The following CSMD1 variants were observed in gnomAD, a reference collection of about 807,000 sequenced individuals.
CSMD1 encodes the protein CUB and Sushi multiple domains 1.
Under a neutral mutation model 417.5 loss-of-function variants are expected in CSMD1, and 213 were observed. The observed-to-expected ratio is 0.51, with a 90% CI of 0.46 to 0.57. CSMD1 has a LOEUF of 0.57. Among genes scored for constraint, CSMD1 ranks in the 20% least tolerant of loss-of-function variants. The pLI is 0.00. For synonymous variants in CSMD1, 2,862 were observed against 1,736.8 expected, an observed-to-expected ratio of 1.65 and a Z score of -16.11; for missense variants, 6,923 against 4,529.7, an observed-to-expected ratio of 1.53 and a Z score of -15.17.
At chr8:4,689,970 C>T (rs752986091) in intron 1 of CSMD1, among the ~76,000 whole-genome samples, 8 of 151,932 alleles carry the variant, frequency 5.3e-5, no homozygotes, top group South Asian at 4.2e-4. Context: ...GTATTACTGC[C>T]GTAAGCGTAG....
chr8:4,971,820 T>C (rs1263864038), intron 1 of CSMD1, among the ~76,000 whole-genome samples: 1 of 152,086 alleles, frequency 6.6e-6, no homozygotes, highest in Non-Finnish European at 1.5e-5. Context: ...AATTTAAAGA[T>C]AAGTTGATTT....
At chr8:3,899,601 G>A (rs1186911960) in intron 5 of CSMD1, among the ~76,000 whole-genome samples, 1 of 152,198 alleles carries the variant, frequency 6.6e-6, no homozygotes, top group African/African-American at 2.4e-5. Context: ...GATCAATATA[G>A]CTCCAACATA....
chr8:3,188,096 A>ATG (rs1364405732), intron 35 of CSMD1, 131 bp from the exon 36 acceptor site: 4 of 297,000 alleles, frequency 1.3e-5, no homozygotes, highest in Admixed American at 9.2e-5. Context: ...ATGTATATAT[A>ATG]TATACATATA....
At chr8:3,775,595 G>A (rs951578991) in intron 5 of CSMD1, among the ~76,000 whole-genome samples, 2 of 152,148 alleles carry the variant, frequency 1.3e-5, no homozygotes, top group African/African-American at 4.8e-5. Context: ...ATGTGCTCTT[G>A]TCAGTAAAGT....
intron 11 of CSMD1, among the ~76,000 whole-genome samples, chr8:3,478,862 T>G (rs1370769227): frequency 6.6e-6 from 1 of 152,104 alleles, no homozygotes; most frequent in Non-Finnish European, 1.5e-5. Flanking sequence ...ATAAATGATC[T>G]CACCTGGGGA....
chr8:3,576,332 T>C (rs1366588059), intron 9 of CSMD1, among the ~76,000 whole-genome samples: 1 of 150,660 alleles, frequency 6.6e-6, no homozygotes, highest in Non-Finnish European at 1.5e-5. Context: ...ATAATGCTTC[T>C]TTAATCTGTA....
intron 6 of CSMD1, among the ~76,000 whole-genome samples, chr8:3,746,123 T>C (rs1341619239): frequency 6.6e-6 from 1 of 152,212 alleles, no homozygotes; most frequent in African/African-American, 2.4e-5. Flanking sequence ...CCAACGATAT[T>C]GCCTGCATGA....
chr8:4,777,831 C>G (rs1236026380), intron 1 of CSMD1, among the ~76,000 whole-genome samples: 1 of 152,202 alleles, frequency 6.6e-6, no homozygotes, highest in African/African-American at 2.4e-5. Flanking sequence ...TTCACATCTA[C>G]AAATCTCAAC....
rs183050103 is a variant in CSMD1 at position 4,508,710 on chromosome 8, C to T, written c.303-88645G>A. On this transcript the variant is annotated intron_variant, in intron 2 of 69. Coordinates refer to ENST00000635120, the MANE Select transcript of CSMD1 (RefSeq NM_033225.6). ...GTAGTGGGTCTGGAACCATTTTTAGCTGCTTCAAAGGGGAATCAGATGTAC... is the reference window on the plus strand; with the variant it reads ...GTAGTGGGTCTGGAACCATTTTTAGTTGCTTCAAAGGGGAATCAGATGTAC... Among the ~76,000 whole-genome samples, 11 of 152,156 alleles carry T rather than the reference C, an allele frequency of 7.2e-5. No homozygotes were observed. The East Asian group carries it at 2.1e-3, about 29-fold the overall frequency.
At chr8:3,430,279 A>C (rs2117017120) in intron 12 of CSMD1, among the ~76,000 whole-genome samples, 1 of 152,294 alleles carries the variant, frequency 6.6e-6, no homozygotes, top group Middle Eastern at 3.4e-3. Context: ...GAATACTTAC[A>C]GGTGACATTT....
intron 1 of CSMD1, among the ~76,000 whole-genome samples, chr8:4,775,477 G>T (rs1796807186): frequency 6.6e-6 from 1 of 152,130 alleles, no homozygotes; most frequent in South Asian, 2.1e-4. Context: ...TAAGATATTG[G>T]AAGGGTATAA....
intron 2 of CSMD1, among the ~76,000 whole-genome samples, chr8:4,456,497 G>C (rs187638283): frequency 1.3e-5 from 2 of 152,278 alleles, no homozygotes; most frequent in East Asian, 3.9e-4. Context: ...TTGGAAAATT[G>C]TAGGTTCTAA....
At chr8:3,454,408 C>T (rs1257567322) in intron 12 of CSMD1, among the ~76,000 whole-genome samples, 1 of 152,148 alleles carries the variant, frequency 6.6e-6, no homozygotes. Context: ...TTCCTAGCAT[C>T]AATGGTCTTC....
At chr8:3,358,519 C>T (rs564268444) in intron 21 of CSMD1, among the ~76,000 whole-genome samples, 4 of 152,190 alleles carry the variant, frequency 2.6e-5, no homozygotes, top group African/African-American at 9.7e-5. Flanking sequence ...ATAAACGTCA[C>T]CCCACTGGAT....
intron 1 of CSMD1, among the ~76,000 whole-genome samples, chr8:4,720,499 C>T (rs1808983081): frequency 6.6e-6 from 1 of 152,068 alleles, no homozygotes; most frequent in African/African-American, 2.4e-5. Context: ...CGCACTATAA[C>T]CTCTGCCTCC....
At chr8:4,753,892 G>C (rs1280088590) in intron 1 of CSMD1, among the ~76,000 whole-genome samples, 1 of 152,156 alleles carries the variant, frequency 6.6e-6, no homozygotes, top group African/African-American at 2.4e-5. Flanking sequence ...AGGTGGCAGG[G>C]AGTTGTTTTC....
chr8:4,240,638 C>T (rs1003735527), intron 3 of CSMD1, among the ~76,000 whole-genome samples: 3 of 152,146 alleles, frequency 2.0e-5, no homozygotes, highest in Admixed American at 6.5e-5. Flanking sequence ...ATTCCCAGTG[C>T]CTTTCAACAA....
intron 5 of CSMD1, among the ~76,000 whole-genome samples, chr8:3,946,842 A>T (rs545895402): frequency 1.3e-4 from 20 of 152,292 alleles, no homozygotes; most frequent in Non-Finnish European, 2.5e-4. Flanking sequence ...TTATAATTTT[A>T]AAAATTTTGT....
intron 5 of CSMD1, among the ~76,000 whole-genome samples, chr8:3,985,439 A>C (rs954294360): frequency 6.6e-6 from 1 of 152,092 alleles, no homozygotes; most frequent in Non-Finnish European, 1.5e-5. Flanking sequence ...ACACACAAAC[A>C]CACCTGGGCG....
Sources: gnomAD v4.1 joint callset for allele counts (sites outside exome capture counted in the v4.1 genomes callset) on GRCh38, gnomAD v4.1.1 for gene constraint, MANE v1.5 for transcripts, NCBI Gene and HGNC (gene_info 2026-07-23, HGNC 2026-07-21) for gene names.